The following TRAPPC9 variants were observed in gnomAD, a reference collection of about 807,000 sequenced individuals.
TRAPPC9 encodes trafficking protein particle complex subunit 9.
Under a neutral mutation model 124.0 loss-of-function variants are expected in TRAPPC9, and 83 were observed. The ratio of observed to expected loss-of-function variants is 0.67; its 90% confidence interval spans 0.56 to 0.80. The LOEUF is 0.80. Among genes scored for constraint, TRAPPC9 ranks in the 30% least tolerant of loss-of-function variants. The pLI is 0.00. For synonymous variants in TRAPPC9, 638 were observed against 617.5 expected (o/e 1.03, Z -0.49); for missense variants, 1,302 against 1,508.3 (o/e 0.86, Z 2.27).
At chr8:140,034,768 C>A (rs1209169724) in intron 17 of TRAPPC9, among the ~76,000 whole-genome samples, 2 of 152,254 alleles carry the variant, frequency 1.3e-5, no homozygotes, top group Non-Finnish European at 2.9e-5. Flanking sequence ...CAACAGCTCA[C>A]CACTATCGAA....
At chr8:140,432,047 C>T (rs1047037312) in intron 4 of TRAPPC9, among the ~76,000 whole-genome samples, 2 of 152,226 alleles carry the variant, frequency 1.3e-5, no homozygotes, top group South Asian at 4.1e-4. Flanking sequence ...GGGCATAGTG[C>T]TATTCTAAAG....
chr8:139,893,279 G>A (rs1281584126), intron 20 of TRAPPC9, among the ~76,000 whole-genome samples: 6 of 152,162 alleles, frequency 3.9e-5, no homozygotes, highest in African/African-American at 7.2e-5. Context: ...AGACCTGGAC[G>A]CACCCTGCTC....
At chr8:139,814,292 G>T (rs1277658056) in intron 21 of TRAPPC9, among the ~76,000 whole-genome samples, 1 of 152,210 alleles carries the variant, frequency 6.6e-6, no homozygotes, top group African/African-American at 2.4e-5. Context: ...CCATGCCAAT[G>T]GCCTTCCCCG....
rs543570279 is a variant in TRAPPC9, at chr8:140,199,870, AT to A, written c.2556+21588del. 5.4e-3 allele frequency among the ~76,000 whole-genome samples: 818 copies of A among 152,356 alleles called. 5 individuals carry two copies. Among genetic ancestry groups the A allele is most frequent in the South Asian group, 0.034 (162 of 4,832 alleles). The stretch of plus-strand genomic sequence containing the variant: ...GATGAGATGGTAACTTTGGAAGACA[AT>A]GTTTTGACTGAAAACCATAGGGCTA... On this transcript the variant is annotated intron_variant, in intron 17 of 22. Transcript: ENST00000438773.
chr8:140,251,591 C>T (rs1471636371), intron 16 of TRAPPC9, among the ~76,000 whole-genome samples: 2 of 152,236 alleles, frequency 1.3e-5, no homozygotes, highest in Non-Finnish European at 2.9e-5. Context: ...TGGAGGGCGT[C>T]TGTTAGGGAC....
Position 140,231,481 on chromosome 8 carries a change from C to CTTTTTTTTTTTTTTT in TRAPPC9, c.2432-9913_2432-9899dup, listed in dbSNP as rs71320347. Among the ~76,000 whole-genome samples the CTTTTTTTTTTTTTTT allele has an allele frequency of 7.0e-5, 4 of 56,990 alleles. 1 individual carries two copies. Among genetic ancestry groups the CTTTTTTTTTTTTTTT allele is most frequent in the African/African-American group, 2.9e-4 (4 of 13,764 alleles). The allele number at this position is 56,990 out of a possible 152,430, so 37.4% of individuals were successfully genotyped here. On this transcript the variant is annotated intron_variant, in intron 16 of 22. Transcript: ENST00000438773. ...AACTGCTAGTAAATCACTGCCTTTT[C>CTTTTTTTTTTTTTTT]TTTTTTTTTTTTTTTTTTTTTTTTT...
intron 5 of TRAPPC9, among the ~76,000 whole-genome samples, chr8:140,415,102 T>C (rs908550768): frequency 1.3e-5 from 2 of 152,096 alleles, no homozygotes; most frequent in Admixed American, 6.6e-5. Context: ...TCTCAGCTAC[T>C]TGGGAGGCGA....
At chr8:139,885,842 T>A in intron 21 of TRAPPC9, 37 bp downstream of exon 21, 1 of 1,532,732 alleles carries the variant, frequency 6.5e-7, no homozygotes, top group African/African-American at 1.4e-5. Context: ...AAGGAGCACA[T>A]CCACCCAGAA....
At chr8:139,892,547 C>A (rs895073526) in intron 20 of TRAPPC9, among the ~76,000 whole-genome samples, 1 of 152,190 alleles carries the variant, frequency 6.6e-6, no homozygotes, top group Non-Finnish European at 1.5e-5. Context: ...GTGAGCATTA[C>A]GATGATGACG....
chr8:140,315,224 T>C (rs893030053), intron 9 of TRAPPC9, among the ~76,000 whole-genome samples: 7 of 146,518 alleles, frequency 4.8e-5, no homozygotes, highest in Admixed American at 7.3e-5. Flanking sequence ...CTTTTGGCCA[T>C]TTGTATGTCT....
rs1164747712 is a variant in TRAPPC9 at position 139,784,631 on chromosome 8, A to G, written c.3056-52429T>C. 2.2e-4 allele frequency among the ~76,000 whole-genome samples: 31 copies of G among 143,456 alleles called. 2 individuals carry two copies. The East Asian group carries it at 5.7e-3, about 26-fold the overall frequency. The allele number at this position is 143,456 out of a possible 152,430, so 94.1% of individuals were successfully genotyped here. Reference sequence around the variant, plus strand: ...GACATATATATATATATATATATATATATATATATATATAAATCAACTGCA... The same window carrying G: ...GACATATATATATATATATATATATGTATATATATATATAAATCAACTGCA... On this transcript the variant is annotated intron_variant, in intron 21 of 22. Transcript: ENST00000438773.
At chr8:140,037,577 ACACACACATACACACACACACACAAATGC>A in intron 17 of TRAPPC9, among the ~76,000 whole-genome samples, 1 of 151,666 alleles carries the variant, frequency 6.6e-6, no homozygotes, top group Non-Finnish European at 1.5e-5. Flanking sequence ...CACATACCAC[ACACACACATACACACACACACACAAATGC>A]CACACACATA....
chr8:140,311,456 AT>A (rs1307373663), intron 9 of TRAPPC9, 82 bp from the exon 10 acceptor site: 2 of 1,540,350 alleles, frequency 1.3e-6, no homozygotes, highest in Non-Finnish European at 1.8e-6. Context: ...GGGGCATTTC[AT>A]GACAGTCCAG....
intron 21 of TRAPPC9, among the ~76,000 whole-genome samples, chr8:139,760,895 C>T (rs1016690332): frequency 1.3e-5 from 2 of 152,164 alleles, no homozygotes; most frequent in African/African-American, 4.8e-5. Flanking sequence ...TGGGAATTAC[C>T]GGAGCTACAA....
At chr8:139,949,335 A>C (rs922528404) in intron 19 of TRAPPC9, among the ~76,000 whole-genome samples, 1 of 152,228 alleles carries the variant, frequency 6.6e-6, no homozygotes, top group African/African-American at 2.4e-5. Context: ...AAGCTGACTA[A>C]AGAAAAAACA....
At chr8:140,231,481 CTTTTTTTTT>C (rs71320347) in intron 16 of TRAPPC9, among the ~76,000 whole-genome samples, 7 of 56,954 alleles carry the variant, frequency 1.2e-4, no homozygotes, top group African/African-American at 2.9e-4. Context: ...ACTGCCTTTT[CTTTTTTTTT>C]TTTTTTTTTT....
intron 17 of TRAPPC9, among the ~76,000 whole-genome samples, chr8:140,142,109 T>A (rs1423281291): frequency 6.6e-6 from 1 of 152,192 alleles, no homozygotes; most frequent in East Asian, 1.9e-4. Context: ...GTTATAAATA[T>A]ACCTATTAGC....
At chr8:139,991,382 C>A (rs1327200349) in intron 18 of TRAPPC9, among the ~76,000 whole-genome samples, 1 of 152,072 alleles carries the variant, frequency 6.6e-6, no homozygotes, top group African/African-American at 2.4e-5. Flanking sequence ...TGTTTCTATT[C>A]TTTCTAATTG....
intron 19 of TRAPPC9, among the ~76,000 whole-genome samples, chr8:139,976,048 C>T (rs1836436918): frequency 6.6e-6 from 1 of 151,332 alleles, no homozygotes. Context: ...CCCGCCACCT[C>T]GCCCGGCTAA....
Sources: allele counts gnomAD v4.1 joint callset (sites outside exome capture counted in the v4.1 genomes callset), GRCh38; gene constraint gnomAD v4.1.1; transcripts MANE v1.5; gene names NCBI Gene and HGNC (gene_info 2026-07-23, HGNC 2026-07-21).